TRHR: variants seen among roughly 807,000 people sequenced by gnomAD.
TRHR encodes the protein thyrotropin-releasing hormone receptor.
A neutral mutation model predicts 28.0 loss-of-function variants in TRHR; 14 were observed. The ratio of observed to expected loss-of-function variants is 0.50; its 90% CI spans 0.33 to 0.78. The LOEUF (loss-of-function observed/expected upper bound fraction) is 0.78, where lower values mean the gene tolerates loss of function less well. Among genes scored for constraint, TRHR ranks in the 30% least tolerant of loss-of-function variants. The pLI is 0.02. For missense variants in TRHR, 438 were observed against 469.5 expected (o/e 0.93, Z 0.62); for synonymous variants, 176 against 171.9 (o/e 1.02, Z -0.18).
intron 2 of TRHR, among the ~76,000 whole-genome samples, chr8:109,112,601 T>A (rs183577138): frequency 6.6e-6 from 1 of 152,346 alleles, no homozygotes; most frequent in Admixed American, 6.5e-5. Context: ...GCTTTCTGAA[T>A]GTAGCACTCC....
chr8:109,089,933 C>T (rs1051938461), intron 2 of TRHR, among the ~76,000 whole-genome samples: 9 of 152,184 alleles, frequency 5.9e-5, no homozygotes, highest in African/African-American at 1.9e-4. Flanking sequence ...CTTTCCATTA[C>T]AGTCATTAGT....
At chr8:109,107,800 T>TG (rs1158748928) in intron 2 of TRHR, among the ~76,000 whole-genome samples, 1 of 152,174 alleles carries the variant, frequency 6.6e-6, no homozygotes, top group African/African-American at 2.4e-5. Flanking sequence ...TGTGTTTTTA[T>TG]GTTCTCCTTG....
Position 109,120,000 on chromosome 8 carries a change from C to T in TRHR, c.*545C>T, listed in dbSNP as rs1297780295. ...ATAAGATTTTAGACATACATGTTAA[C>T]TGTATTTTAAAAGTTGCCATAATGT... On this transcript the variant is annotated 3_prime_UTR_variant, in exon 3 of 3. Transcript: ENST00000518632. 6.6e-6 allele frequency among the ~76,000 whole-genome samples: 1 copy of T among 151,766 alleles called. No individual in the cohort carries two copies. The highest frequency in any genetic ancestry group is 6.6e-5 in the Admixed American group (1 of 15,200).
intron 2 of TRHR, among the ~76,000 whole-genome samples, chr8:109,118,194 C>G (rs982859559): frequency 2.0e-5 from 3 of 151,958 alleles, no homozygotes; most frequent in Non-Finnish European, 4.4e-5. Context: ...TTAACAGCCT[C>G]TGTACCTGTT....
In TRHR at chr8:109,119,181, G is replaced by C. The variant is rs1244177747; in HGVS notation, c.923G>C (p.Cys308Ser). 5.0e-6 allele frequency: 8 copies of C among 1,612,612 alleles called. No individual in the cohort carries two copies. The highest frequency in any genetic ancestry group is 6.8e-6 in the Non-Finnish European group (8 of 1,179,236). The change falls in exon 3 of 3, where the codon TGC becomes TCC. Residue 308 changes from cysteine to serine, a missense_variant. By Grantham distance (112) the Cys-to-Ser change is moderately radical (BLOSUM62 -1). Transcript: ENST00000518632. ...ENWFLLFCRICIYLNSAINPV... is the reference protein window; with the variant it reads ...ENWFLLFCRISIYLNSAINPV... ...TGGTTTTTGCTCTTTTGCAGAATTT[G>C]CATTTATCTCAACAGTGCCATCAAC...
At chr8:109,090,860 A>T (rs1811508169) in intron 2 of TRHR, among the ~76,000 whole-genome samples, 1 of 152,204 alleles carries the variant, frequency 6.6e-6, no homozygotes, top group African/African-American at 2.4e-5. Context: ...GGAGCGACTT[A>T]GTTGTCTGAA....
chr8:109,118,631 C>A (rs1419367110), intron 2 of TRHR, among the ~76,000 whole-genome samples: 1 of 151,874 alleles, frequency 6.6e-6, no homozygotes, highest in Admixed American at 6.6e-5. Flanking sequence ...CTCTCCTCTT[C>A]TTGGCCTCAA....
chr8:109,093,948 TGA>T (rs1811551333), intron 2 of TRHR, among the ~76,000 whole-genome samples: 1 of 151,762 alleles, frequency 6.6e-6, no homozygotes, highest in Admixed American at 6.6e-5. Flanking sequence ...GAAGAATTCA[TGA>T]GAGGCTACGT....
At chr8:109,101,569 G>A (rs1811677611) in intron 2 of TRHR, among the ~76,000 whole-genome samples, 1 of 149,788 alleles carries the variant, frequency 6.7e-6, no homozygotes. Flanking sequence ...CACAGTGCCT[G>A]GAACATGGAA....
intron 2 of TRHR, among the ~76,000 whole-genome samples, chr8:109,099,079 ACT>A (rs1811638630): frequency 6.6e-6 from 1 of 152,250 alleles, no homozygotes; most frequent in South Asian, 2.1e-4. Context: ...ATCAAATATG[ACT>A]CTAAAGATGT....
intron 2 of TRHR, among the ~76,000 whole-genome samples, chr8:109,100,393 C>G (rs1586188959): frequency 6.6e-6 from 1 of 151,842 alleles, no homozygotes; most frequent in Non-Finnish European, 1.5e-5. Flanking sequence ...TGGCATAAAA[C>G]AACTGCAGTG....
chr8:109,086,965 A>G (rs149083806), intron 1 of TRHR, 82 bp downstream of exon 1: 1,723 of 162,058 alleles, frequency 0.011, 14 homozygotes, highest in Middle Eastern at 0.039. Context: ...GCTATTTTAT[A>G]CCAAAGACAT....
chr8:109,112,398 T>A (rs576547499), intron 2 of TRHR, among the ~76,000 whole-genome samples: 1 of 152,254 alleles, frequency 6.6e-6, no homozygotes, highest in Non-Finnish European at 1.5e-5. Flanking sequence ...AATCAAAATG[T>A]CCCCAGATAC....
chr8:109,095,595 C>T (rs563083059), intron 2 of TRHR, among the ~76,000 whole-genome samples: 3 of 152,128 alleles, frequency 2.0e-5, no homozygotes, highest in African/African-American at 4.8e-5. Flanking sequence ...CTTTCTTCTA[C>T]GCCCATGCTT....
chr8:109,105,683 G>C (rs953510601), intron 2 of TRHR, among the ~76,000 whole-genome samples: 1 of 152,112 alleles, frequency 6.6e-6, no homozygotes, highest in African/African-American at 2.4e-5. Flanking sequence ...AATTTAAATA[G>C]GGCAGTCAGA....
intron 2 of TRHR, among the ~76,000 whole-genome samples, chr8:109,092,325 G>A (rs980165723): frequency 3.3e-5 from 5 of 151,652 alleles, no homozygotes; most frequent in African/African-American, 4.8e-5. Context: ...TAAAAATATC[G>A]GTCTTTGTTT....
chr8:109,114,890 T>C (rs991496674), intron 2 of TRHR, among the ~76,000 whole-genome samples: 5 of 152,046 alleles, frequency 3.3e-5, no homozygotes, highest in Admixed American at 6.6e-5. Flanking sequence ...TGGATCACCG[T>C]CAAATCATCA....
chr8:109,098,734 C>G (rs1811633845), intron 2 of TRHR, among the ~76,000 whole-genome samples: 1 of 152,174 alleles, frequency 6.6e-6, no homozygotes, highest in Admixed American at 6.5e-5. Flanking sequence ...CTCCTCCAGT[C>G]TTGAGCACTC....
intron 2 of TRHR, among the ~76,000 whole-genome samples, chr8:109,097,169 A>G (rs1469203760): frequency 1.3e-5 from 2 of 152,180 alleles, no homozygotes; most frequent in African/African-American, 4.8e-5. Flanking sequence ...TCCCTCCACA[A>G]TAAAAGAGCT....
Sources: gnomAD v4.1 joint callset for allele counts (sites outside exome capture counted in the v4.1 genomes callset) on GRCh38, gnomAD v4.1.1 for gene constraint, MANE v1.5 for transcripts, NCBI Gene and HGNC (gene_info 2026-07-23, HGNC 2026-07-21) for gene names.